Variants in KDM4C observed in about 807,000 individuals in gnomAD.
The protein encoded by KDM4C is lysine-specific demethylase 4C.
KDM4C carries 81 observed loss-of-function variants against 129.3 expected under a neutral mutation model. That is an observed-to-expected ratio of 0.63 (90% confidence interval 0.52 to 0.75). KDM4C has a LOEUF of 0.75. Among genes scored for constraint, KDM4C ranks in the 30% least tolerant of loss-of-function variants. The pLI is 0.00. For missense variants in KDM4C, 1,457 were observed against 1,304.0 expected (o/e 1.12, Z -1.81); for synonymous variants, 573 against 456.1 (o/e 1.26, Z -3.26).
chr9:6,777,703 T>A (rs1021876545), intron 1 of KDM4C, among the ~76,000 whole-genome samples: 5 of 150,404 alleles, frequency 3.3e-5, no homozygotes, highest in Admixed American at 6.6e-5. Flanking sequence ...GCGATCTTGG[T>A]TCACCGCAAC....
At chr9:6,919,139 C>T (rs1778340025) in intron 8 of KDM4C, among the ~76,000 whole-genome samples, 1 of 152,134 alleles carries the variant, frequency 6.6e-6, no homozygotes, top group African/African-American at 2.4e-5. Flanking sequence ...GTGTGAGCCA[C>T]CACGCCCAGC....
At chr9:6,723,606 G>A (rs1317635847) in intron 1 of KDM4C, 2 of 144,322 alleles carry the variant, frequency 1.4e-5, no homozygotes, top group Non-Finnish European at 3.0e-5. Flanking sequence ...AAGAGAGCCT[G>A]GGCAACAGAG....
chr9:6,872,564 G>C (rs558143181), intron 5 of KDM4C, among the ~76,000 whole-genome samples: 8 of 152,292 alleles, frequency 5.3e-5, no homozygotes, highest in Middle Eastern at 3.4e-3. Context: ...TGTATTGGGT[G>C]CATATATATT....
At chr9:6,734,524 T>C (rs199540888) in intron 1 of KDM4C, 2 of 176,788 alleles carry the variant, frequency 1.1e-5, no homozygotes, top group Non-Finnish European at 2.3e-5. Context: ...GAACTCCTGA[T>C]CTCAGGTGAT....
In KDM4C at chr9:7,095,839, TTC is replaced by T. The variant is rs147079860; in HGVS notation, c.2425-7844_2425-7843del. On this transcript the variant is annotated intron_variant, in intron 17 of 21. Coordinates refer to ENST00000381309, the MANE Select transcript of KDM4C (RefSeq NM_015061.6). ...TTTTGTTAACCAAATAATTCAGTAA[TTC>T]TGAGTTCAACTAATAAATGCTTTAT... is the stretch of plus-strand genomic sequence containing the variant. 1.7e-3 allele frequency among the ~76,000 whole-genome samples: 256 copies of T among 152,330 alleles called. 2 individuals are homozygous for T. In the East Asian group the frequency reaches 0.023, roughly 13 times the overall value.
At chr9:6,982,718 T>C (rs1285970040) in intron 9 of KDM4C, 2 of 152,220 alleles carry the variant, frequency 1.3e-5, no homozygotes, top group Non-Finnish European at 2.9e-5. Flanking sequence ...TGTTCTGTCA[T>C]GGATGGAAAA....
At chr9:6,882,999 C>T (rs1296665385) in intron 6 of KDM4C, among the ~76,000 whole-genome samples, 3 of 152,068 alleles carry the variant, frequency 2.0e-5, no homozygotes, top group African/African-American at 7.2e-5. Context: ...TGGGCATATA[C>T]GTAGATTTCT....
intron 8 of KDM4C, among the ~76,000 whole-genome samples, chr9:6,927,097 A>T (rs867823605): frequency 2.1e-5 from 3 of 143,856 alleles, no homozygotes; most frequent in Non-Finnish European, 3.1e-5. Context: ...TTTTCTATCT[A>T]TCTATCTATC....
chr9:7,081,455 C>G (rs58763182), intron 17 of KDM4C, among the ~76,000 whole-genome samples: 11,978 of 152,150 alleles, frequency 0.079, 837 homozygotes, highest in African/African-American at 0.19. Context: ...CCAAACTCAC[C>G]GTGTGTGAGG....
intron 4 of KDM4C, among the ~76,000 whole-genome samples, chr9:6,832,819 C>G (rs1290581556): frequency 1.3e-5 from 2 of 150,184 alleles, no homozygotes; most frequent in African/African-American, 4.9e-5. Context: ...CCTCTGCCTC[C>G]TGAGTTCAAG....
intron 4 of KDM4C, among the ~76,000 whole-genome samples, chr9:6,825,587 GT>G (rs1342302562): frequency 6.6e-6 from 1 of 152,138 alleles, no homozygotes; most frequent in Non-Finnish European, 1.5e-5. Context: ...CATGTCCTGT[GT>G]TTTGTCTTAT....
chr9:6,954,186 T>C (rs1288283424), intron 8 of KDM4C, among the ~76,000 whole-genome samples: 1 of 152,206 alleles, frequency 6.6e-6, no homozygotes, highest in Non-Finnish European at 1.5e-5. Context: ...TCTGATCCTA[T>C]ATATCTTTCA....
At chr9:6,742,558 C>CTTT (rs113102026) in intron 1 of KDM4C, among the ~76,000 whole-genome samples, 2 of 139,374 alleles carry the variant, frequency 1.4e-5, no homozygotes, top group Non-Finnish European at 3.1e-5. Context: ...GTTTCTTCAA[C>CTTT]TTTTTTTTTT....
At chr9:7,165,942 A>G (rs1246116388) in intron 20 of KDM4C, among the ~76,000 whole-genome samples, 1 of 152,242 alleles carries the variant, frequency 6.6e-6, no homozygotes, top group Non-Finnish European at 1.5e-5. Context: ...ACGTAGTATT[A>G]AAGAGTATAT....
At chr9:7,003,189 C>T (rs537095769) in intron 12 of KDM4C, among the ~76,000 whole-genome samples, 12 of 152,244 alleles carry the variant, frequency 7.9e-5, no homozygotes, top group South Asian at 2.1e-4. Context: ...CTAACAACCT[C>T]CCAAAATAGC....
At chr9:7,026,561 A>T (rs1320527342) in intron 15 of KDM4C, among the ~76,000 whole-genome samples, 1 of 151,324 alleles carries the variant, frequency 6.6e-6, no homozygotes, top group Non-Finnish European at 1.5e-5. Flanking sequence ...ATGCCTTGGG[A>T]TAGTCTTCTT....
At chr9:6,945,536 T>A (rs1336871067) in intron 8 of KDM4C, among the ~76,000 whole-genome samples, 1 of 152,224 alleles carries the variant, frequency 6.6e-6, no homozygotes, top group East Asian at 1.9e-4. Flanking sequence ...GACAAAATCA[T>A]CTTTTAAGTA....
intron 8 of KDM4C, among the ~76,000 whole-genome samples, chr9:6,923,115 T>C (rs900193738): frequency 1.3e-5 from 2 of 152,218 alleles, no homozygotes; most frequent in African/African-American, 2.4e-5. Flanking sequence ...ATTTAATGTT[T>C]TTACTCTTTA....
At chr9:6,878,862 C>T (rs1303413985) in intron 5 of KDM4C, among the ~76,000 whole-genome samples, 1 of 151,998 alleles carries the variant, frequency 6.6e-6, no homozygotes, top group Non-Finnish European at 1.5e-5. Context: ...GTGATGTAAG[C>T]CAGGAATTAA....
Sources: allele counts gnomAD v4.1 joint callset (sites outside exome capture counted in the v4.1 genomes callset), GRCh38; gene constraint gnomAD v4.1.1; transcripts MANE v1.5; gene names NCBI Gene and HGNC (gene_info 2026-07-23, HGNC 2026-07-21).